MAP3K20: variants seen among roughly 807,000 people sequenced by gnomAD.
MAP3K20 encodes the protein mitogen-activated protein kinase kinase kinase 20, also known as HCCS-4.
A neutral mutation model predicts 85.7 loss-of-function variants in MAP3K20; 40 were observed. The observed-to-expected ratio is 0.47, with a 90% CI of 0.36 to 0.61. The LOEUF (loss-of-function observed/expected upper bound fraction) is 0.61. Ranked by LOEUF, MAP3K20 falls within the 20% of genes least tolerant of loss-of-function variation. MAP3K20 has a pLI of 0.00. For missense variants in MAP3K20, 817 were observed against 961.7 expected, an observed-to-expected ratio of 0.85 and a Z score of 1.99; for synonymous variants, 325 against 327.7, an observed-to-expected ratio of 0.99 and a Z score of 0.09.
At chr2:173,265,473 G>T (rs1685398576) in intron 19 of MAP3K20, among the ~76,000 whole-genome samples, 1 of 152,174 alleles carries the variant, frequency 6.6e-6, no homozygotes, top group Non-Finnish European at 1.5e-5. Context: ...GATCTCTCCT[G>T]TGGACACGTG....
intron 2 of MAP3K20, among the ~76,000 whole-genome samples, chr2:173,153,846 T>C (rs1424867354): frequency 6.6e-6 from 1 of 152,254 alleles, no homozygotes; most frequent in Non-Finnish European, 1.5e-5. Flanking sequence ...AAATGCTCTG[T>C]AAGTAATTCT....
chr2:173,236,014 C>T (rs1684639484), intron 14 of MAP3K20, among the ~76,000 whole-genome samples: 1 of 152,000 alleles, frequency 6.6e-6, no homozygotes. Flanking sequence ...GCCTGTAATC[C>T]CAGCACTTTG....
chr2:173,191,018 A>G, intron 6 of MAP3K20, 22 bp from the exon 7 acceptor site: 1 of 1,612,996 alleles, frequency 6.2e-7, no homozygotes, highest in Non-Finnish European at 8.5e-7. Flanking sequence ...TAGAAAGTTG[A>G]CACTGATTCC....
chr2:173,184,271 A>C (rs905225886), intron 4 of MAP3K20, among the ~76,000 whole-genome samples: 1 of 152,224 alleles, frequency 6.6e-6, no homozygotes, highest in African/African-American at 2.4e-5. Context: ...ATGTAAATGC[A>C]TATATAGGTA....
Position 173,096,480 on chromosome 2 carries a change from C to T in MAP3K20, c.159+5290C>T, listed in dbSNP as rs1280119621. On this transcript the variant is annotated intron_variant, in intron 2 of 19. Transcript: ENST00000375213. ...TCAGCCTCCTGAGTAGCTGGGACTACAGGCATGTGCCACCACGCCTGGGTA... is the reference window on the plus strand; with the variant it reads ...TCAGCCTCCTGAGTAGCTGGGACTATAGGCATGTGCCACCACGCCTGGGTA... 2.6e-5 allele frequency among the ~76,000 whole-genome samples: 4 copies of T among 152,080 alleles called. No individual in the cohort carries two copies. The East Asian group carries it at 7.7e-4, about 29-fold the overall frequency.
At chr2:173,237,766 T>C (rs1684688876) in intron 14 of MAP3K20, among the ~76,000 whole-genome samples, 1 of 152,238 alleles carries the variant, frequency 6.6e-6, no homozygotes, top group Admixed American at 6.5e-5. Context: ...CTCACTGTTA[T>C]TCAGAGTGGC....
At chr2:173,248,718 C>G (rs1684978706) in intron 16 of MAP3K20, among the ~76,000 whole-genome samples, 1 of 71,986 alleles carries the variant, frequency 1.4e-5, no homozygotes, top group African/African-American at 5.5e-5. Flanking sequence ...TGAAAAATTC[C>G]CACTATGGCC....
At chr2:173,096,086 C>T (rs948967407) in intron 2 of MAP3K20, among the ~76,000 whole-genome samples, 1 of 152,120 alleles carries the variant, frequency 6.6e-6, no homozygotes, top group Non-Finnish European at 1.5e-5. Flanking sequence ...TCTACCCTTC[C>T]ATTCATTAAT....
rs567867366 is a variant in MAP3K20 at position 173,201,290 on chromosome 2, C to G, written c.670-2506C>G. On this transcript the variant is annotated intron_variant, in intron 8 of 19. Transcript: ENST00000375213. ...GTAAACAATGAACCTTTATAGAAGGCATGAAATTAAGAGGGCATTACTCAT... is the reference window on the plus strand; with the variant it reads ...GTAAACAATGAACCTTTATAGAAGGGATGAAATTAAGAGGGCATTACTCAT... Among the ~76,000 whole-genome samples, 14 of 152,170 alleles carry G rather than the reference C, an allele frequency of 9.2e-5. No homozygotes were observed. The Middle Eastern group carries it at 0.01, about 111-fold the overall frequency.
intron 2 of MAP3K20, among the ~76,000 whole-genome samples, chr2:173,137,110 G>T (rs768774949): frequency 7.2e-5 from 11 of 152,170 alleles, no homozygotes; most frequent in Non-Finnish European, 1.2e-4. Context: ...TGAACTTTAC[G>T]TGGGAAAACA....
intron 5 of MAP3K20, among the ~76,000 whole-genome samples, chr2:173,188,783 C>T (rs1368454114): frequency 2.0e-5 from 3 of 152,138 alleles, no homozygotes; most frequent in Non-Finnish European, 4.4e-5. Flanking sequence ...TGGAACTAAG[C>T]ACTTTTGATA....
intron 2 of MAP3K20, among the ~76,000 whole-genome samples, chr2:173,118,754 T>G (rs1036465586): frequency 9.2e-5 from 14 of 152,244 alleles, no homozygotes; most frequent in African/African-American, 3.4e-4. Context: ...CATCATTTTT[T>G]GTATTTACAT....
chr2:173,199,817 T>C (rs1690985242), intron 8 of MAP3K20, among the ~76,000 whole-genome samples: 1 of 152,132 alleles, frequency 6.6e-6, no homozygotes. Context: ...CATTGGAGTA[T>C]CCGTGAAGGA....
At chr2:173,238,848 T>G (rs1684715233) in intron 15 of MAP3K20, among the ~76,000 whole-genome samples, 1 of 152,232 alleles carries the variant, frequency 6.6e-6, no homozygotes, top group Non-Finnish European at 1.5e-5. Flanking sequence ...ATACTTAACA[T>G]TTTGAATCTA....
At chr2:173,251,050 G>A (rs966695403) in intron 16 of MAP3K20, among the ~76,000 whole-genome samples, 5 of 152,056 alleles carry the variant, frequency 3.3e-5, no homozygotes, top group African/African-American at 4.8e-5. Context: ...TAATAGCAAC[G>A]CATATAAAGG....
intron 16 of MAP3K20, among the ~76,000 whole-genome samples, chr2:173,250,685 G>A (rs1264878134): frequency 6.6e-6 from 1 of 152,172 alleles, no homozygotes; most frequent in African/African-American, 2.4e-5. Context: ...CAATAGTCCT[G>A]TACATCATTA....
At chr2:173,196,151 G>A (rs957598341) in intron 7 of MAP3K20, among the ~76,000 whole-genome samples, 5 of 152,130 alleles carry the variant, frequency 3.3e-5, no homozygotes, top group Non-Finnish European at 5.9e-5. Context: ...TGGGGGTCTG[G>A]AGCGTTTGAT....
At chr2:173,134,420 A>ATTTTT (rs1559246094) in intron 2 of MAP3K20, among the ~76,000 whole-genome samples, 4 of 6,156 alleles carry the variant, frequency 6.5e-4, no homozygotes, top group Admixed American at 1.7e-3. Context: ...ATATATATAT[A>ATTTTT]TATATATATT....
rs774336784 is a variant in MAP3K20 at position 173,266,705 on chromosome 2, T to C, written c.2358T>C (p.Asn786=). 3.8e-6 allele frequency: 6 copies of C among 1,577,466 alleles called. No homozygotes were observed. Among genetic ancestry groups the C allele is most frequent in the Non-Finnish European group, 5.2e-6 (6 of 1,164,552 alleles). ...KPHRPSPAKT[N]KERARGDHRG... Reference sequence around the variant, plus strand: ...ACAGGCCATCTCCCGCCAAAACCAATAAAGAGAGAGCCAGAGGGGACCACC... The same window carrying C: ...ACAGGCCATCTCCCGCCAAAACCAACAAAGAGAGAGCCAGAGGGGACCACC... The change falls in exon 20 of 20, where the codon AAT becomes AAC. Residue 786 remains asparagine (N), a synonymous_variant. Coordinates refer to ENST00000375213, the MANE Select transcript of MAP3K20 (RefSeq NM_016653.3).
Sources: gnomAD v4.1 joint callset for allele counts (sites outside exome capture counted in the v4.1 genomes callset) on GRCh38, gnomAD v4.1.1 for gene constraint, MANE v1.5 for transcripts, NCBI Gene and HGNC (gene_info 2026-07-23, HGNC 2026-07-21) for gene names.